LYPLAL1: variants seen among roughly 807,000 people sequenced by gnomAD.
LYPLAL1 encodes the protein lysophospholipase-like protein 1.
A neutral mutation model predicts 19.7 loss-of-function variants in LYPLAL1; 23 were observed. The observed-to-expected ratio is 1.17, with a 90% CI of 0.84 to 1.65. The LOEUF is 1.65. LYPLAL1 is among the 40% of genes most tolerant of loss of function. The pLI, the probability that LYPLAL1 is intolerant of heterozygous loss-of-function variation, is 0.00. For missense variants in LYPLAL1, 355 were observed against 279.4 expected (o/e 1.27, Z -1.93); for synonymous variants, 119 against 96.3 (o/e 1.24, Z -1.38).
chr1:219,419,582 C>CAGAGAGAGAG, the LYPLAL1 span, among the ~76,000 whole-genome samples: 8 of 125,546 alleles, frequency 6.4e-5, no homozygotes, highest in African/African-American at 2.6e-4. Flanking sequence ...CACACACACA[C>CAGAGAGAGAG]ACACACACAC....
the LYPLAL1 span, among the ~76,000 whole-genome samples, chr1:219,414,173 A>G: frequency 2.6e-5 from 4 of 152,156 alleles, no homozygotes; most frequent in African/African-American, 9.7e-5. Context: ...TTTTCCCATT[A>G]TCACTGAATT....
chr1:219,337,354 A>C, the LYPLAL1 span, among the ~76,000 whole-genome samples: 1 of 152,096 alleles, frequency 6.6e-6, no homozygotes, highest in Non-Finnish European at 1.5e-5. Flanking sequence ...AGGGAATAAG[A>C]ACATCTGAAG....
At chr1:219,220,374 CAG>C in the LYPLAL1 span, among the ~76,000 whole-genome samples, 1 of 151,870 alleles carries the variant, frequency 6.6e-6, no homozygotes. Flanking sequence ...AGCAGCCTCT[CAG>C]AAGGCATATC....
the LYPLAL1 span, among the ~76,000 whole-genome samples, chr1:219,223,534 A>G: frequency 1.2e-4 from 18 of 152,252 alleles, no homozygotes; most frequent in South Asian, 4.1e-4. Flanking sequence ...TCTCATTATT[A>G]TGTGCTTTTT....
the LYPLAL1 span, among the ~76,000 whole-genome samples, chr1:219,427,901 T>G: frequency 1.3e-5 from 2 of 152,206 alleles, no homozygotes. Flanking sequence ...CTTGTAACTT[T>G]GGCCTTTAGG....
chr1:219,273,918 A>G, the LYPLAL1 span, among the ~76,000 whole-genome samples: 7 of 152,078 alleles, frequency 4.6e-5, no homozygotes, highest in Non-Finnish European at 8.8e-5. Flanking sequence ...GCACCATCAC[A>G]TCCGGCTAAT....
the LYPLAL1 span, among the ~76,000 whole-genome samples, chr1:219,385,606 G>T: frequency 6.9e-6 from 1 of 144,860 alleles, no homozygotes; most frequent in South Asian, 2.2e-4. Flanking sequence ...TAGGGCAAGG[G>T]GAAGGGCAAT....
chr1:219,264,633 G>C, the LYPLAL1 span, among the ~76,000 whole-genome samples: 2 of 152,140 alleles, frequency 1.3e-5, no homozygotes, highest in African/African-American at 2.4e-5. Context: ...AGTCATGTGT[G>C]TGGGATTCTG....
At chr1:219,432,257 T>A in the LYPLAL1 span, among the ~76,000 whole-genome samples, 1 of 152,228 alleles carries the variant, frequency 6.6e-6, no homozygotes, top group Non-Finnish European at 1.5e-5. Context: ...ATTTCTTTGA[T>A]GTCCCTAGCC....
the LYPLAL1 span, among the ~76,000 whole-genome samples, chr1:219,372,569 T>C: frequency 2.6e-5 from 4 of 152,182 alleles, no homozygotes; most frequent in African/African-American, 7.2e-5. Context: ...TGCTGATGTA[T>C]AGTAAATGTC....
chr1:219,399,425 G>C, the LYPLAL1 span, among the ~76,000 whole-genome samples: 2 of 152,190 alleles, frequency 1.3e-5, no homozygotes, highest in Non-Finnish European at 2.9e-5. Flanking sequence ...CAGTTGCCAG[G>C]ATAAGGGGGA....
At chr1:219,416,353 T>C in the LYPLAL1 span, among the ~76,000 whole-genome samples, 1 of 152,178 alleles carries the variant, frequency 6.6e-6, no homozygotes. Context: ...AGAATGTCCC[T>C]CACCTGGGAT....
intron 2 of LYPLAL1, among the ~76,000 whole-genome samples, chr1:219,184,559 C>A (rs1656568980): frequency 6.6e-6 from 1 of 151,814 alleles, no homozygotes; most frequent in Admixed American, 6.6e-5. Flanking sequence ...CAGTATTTCA[C>A]TGTTAAGTGT....
chr1:219,323,512 G>A, the LYPLAL1 span, among the ~76,000 whole-genome samples: 2 of 152,166 alleles, frequency 1.3e-5, no homozygotes, highest in Admixed American at 6.5e-5. Context: ...GGGCAGAGCA[G>A]CCTGCCTGTC....
the LYPLAL1 span, among the ~76,000 whole-genome samples, chr1:219,396,474 GT>G: frequency 6.6e-6 from 1 of 152,158 alleles, no homozygotes; most frequent in Non-Finnish European, 1.5e-5. Context: ...TATGAAGAAT[GT>G]CATTGGTATT....
At chr1:219,251,070 T>C in the LYPLAL1 span, among the ~76,000 whole-genome samples, 1 of 152,064 alleles carries the variant, frequency 6.6e-6, no homozygotes, top group African/African-American at 2.4e-5. Flanking sequence ...TAGTGAATTT[T>C]TTTTCACATG....
At chr1:219,288,702 C>T in the LYPLAL1 span, among the ~76,000 whole-genome samples, 2 of 152,190 alleles carry the variant, frequency 1.3e-5, no homozygotes, top group African/African-American at 4.8e-5. Flanking sequence ...GTAACAAATG[C>T]ACCACTCTGG....
chr1:219,302,063 T>C, the LYPLAL1 span, among the ~76,000 whole-genome samples: 2 of 152,196 alleles, frequency 1.3e-5, no homozygotes, highest in Non-Finnish European at 2.9e-5. Flanking sequence ...GGGGTGTGCA[T>C]AGCAAGGCAG....
the LYPLAL1 span, among the ~76,000 whole-genome samples, chr1:219,260,825 CA>C: frequency 6.6e-6 from 1 of 151,334 alleles, no homozygotes; most frequent in African/African-American, 2.4e-5. Flanking sequence ...TTCTTGAAGA[CA>C]AAAAAACCTT....
Sources: gnomAD v4.1 joint callset for allele counts (sites outside exome capture counted in the v4.1 genomes callset) on GRCh38, gnomAD v4.1.1 for gene constraint, MANE v1.5 for transcripts, NCBI Gene and HGNC (gene_info 2026-07-23, HGNC 2026-07-21) for gene names.